The following ZNF586 variants were observed in gnomAD, a reference collection of about 807,000 sequenced individuals.
The protein encoded by ZNF586 is zinc finger protein 586.
Under a neutral mutation model 6.7 loss-of-function variants are expected in ZNF586, and 7 were observed. That is an observed-to-expected ratio of 1.04 (90% CI 0.59 to 1.95). The LOEUF is 1.95. Among genes scored for constraint, ZNF586 ranks in the 30% most tolerant of loss-of-function variants. The pLI is 0.00. For synonymous variants in ZNF586, 166 were observed against 168.7 expected, an observed-to-expected ratio of 0.98 and a Z score of 0.12; for missense variants, 442 against 489.6, an observed-to-expected ratio of 0.90 and a Z score of 0.92.
chr19:57,779,843 GC>G lies in ZNF586; in HGVS notation c.*49del. The stretch of plus-strand genomic sequence containing the variant: ...TGCCCAGGCTTTTTGCTCCTTCAAG[GC>G]CAGAGAGTTCACACCAGATCAAGGT... On this transcript the variant is annotated 3_prime_UTR_variant, in exon 3 of 3. Coordinates refer to ENST00000396154, the MANE Select transcript of ZNF586 (RefSeq NM_017652.4). The G allele has an allele frequency of 6.7e-7, 1 of 1,488,804 alleles. No individual in the cohort carries two copies. The highest frequency in any genetic ancestry group is 9.1e-7 in the Non-Finnish European group (1 of 1,099,342). 92.2% of individuals were successfully genotyped at this position (1,488,804 alleles called of 1,614,324 possible).
At chr19:57,773,048 G>C (rs1321083962) in intron 1 of ZNF586, among the ~76,000 whole-genome samples, 1 of 152,110 alleles carries the variant, frequency 6.6e-6, no homozygotes, top group East Asian at 1.9e-4. Context: ...TGCCAGAAAA[G>C]GAGATGACCA....
At chr19:57,770,025 C>A in intron 1 of ZNF586, 147 bp downstream of exon 1, 1 of 766,076 alleles carries the variant, frequency 1.3e-6, no homozygotes. Context: ...CTGTTTCCGA[C>A]ACCCAGTTGA....
At chr19:57,769,953 T>G (rs1219560494) in intron 1 of ZNF586, 75 bp downstream of exon 1, 3 of 1,056,498 alleles carry the variant, frequency 2.8e-6, no homozygotes, top group Non-Finnish European at 3.6e-6. Flanking sequence ...GAGGGCCGCC[T>G]CCTCGCGTCC....
chr19:57,774,216 CA>C lies in ZNF586; in HGVS notation c.37-2306del, dbSNP rs34864063. Reference sequence around the variant, plus strand: ...GGGTGACAAGAGTGAAACTCCGTCTCAAAAAAAAAAAAAAAAAAAAAGTCAG... The same window carrying C: ...GGGTGACAAGAGTGAAACTCCGTCTCAAAAAAAAAAAAAAAAAAAAGTCAG... On this transcript the variant is annotated intron_variant, in intron 1 of 2. Transcript: ENST00000396154. Among the ~76,000 whole-genome samples, 546 of 68,942 alleles carry C rather than the reference CA, an allele frequency of 7.9e-3. 6 individuals carry two copies. Among genetic ancestry groups the C allele is most frequent in the South Asian group, 0.037 (60 of 1,620 alleles). 45.2% of individuals were successfully genotyped at this position (68,942 alleles called of 152,430 possible).
intron 1 of ZNF586, chr19:57,774,797 T>C (rs1987187170): frequency 1.0e-5 from 10 of 981,084 alleles, no homozygotes; most frequent in Non-Finnish European, 1.2e-5. Flanking sequence ...CACATTATGG[T>C]GTAAGCCCTA....
chr19:57,779,997 A>G lies in ZNF586; in HGVS notation c.*201A>G, dbSNP rs950153983. 5 of 555,824 alleles carry G rather than the reference A, an allele frequency of 9.0e-6. No individual in the cohort carries two copies. Among genetic ancestry groups the G allele is most frequent in the African/African-American group, 1.9e-5 (1 of 53,380 alleles). 34.4% of individuals were successfully genotyped at this position (555,824 alleles called of 1,614,324 possible). The stretch of plus-strand genomic sequence containing the variant: ...GTGAGAAAGCCTTCAGCCCTCTCTC[A>G]TTGGTTACCACAATATTTACATGAG... On this transcript the variant is annotated 3_prime_UTR_variant, in exon 3 of 3. Coordinates refer to ENST00000396154, the MANE Select transcript of ZNF586 (RefSeq NM_017652.4).
intron 1 of ZNF586, among the ~76,000 whole-genome samples, chr19:57,771,710 G>A (rs1026906112): frequency 2.6e-5 from 4 of 152,184 alleles, no homozygotes; most frequent in African/African-American, 7.2e-5. Context: ...TGGGGTTGAG[G>A]GAGGAGGAAG....
rs749380601 is a variant in ZNF586 at position 57,778,903 on chromosome 19, C to G, written c.316C>G (p.Pro106Ala). Reference sequence around the variant, plus strand: ...TAAGAACAAGTCCTGCCTCACTGAACCCAGAAGAGATCACAAACACAGGAA... The same window carrying G: ...TAAGAACAAGTCCTGCCTCACTGAAGCCAGAAGAGATCACAAACACAGGAA... The part of the protein sequence containing the change: ...LFKNKSCLTE[P>A]RRDHKHRNVR... The change falls in exon 3 of 3, where the codon CCC becomes GCC. Residue 106 changes from proline to alanine, a missense_variant. Transcript: ENST00000396154. 1.2e-6 allele frequency: 2 copies of G among 1,614,098 alleles called. No individual in the cohort carries two copies. The highest frequency in any genetic ancestry group is 1.7e-6 in the Non-Finnish European group (2 of 1,180,020).
chr19:57,774,576 A>C, intron 1 of ZNF586, among the ~76,000 whole-genome samples: 1 of 151,894 alleles, frequency 6.6e-6, no homozygotes, highest in East Asian at 1.9e-4. Context: ...ATAAATAAAA[A>C]GTCATAGTTT....
intron 1 of ZNF586, among the ~76,000 whole-genome samples, chr19:57,773,650 G>A (rs1301743776): frequency 6.6e-6 from 1 of 152,108 alleles, no homozygotes; most frequent in Non-Finnish European, 1.5e-5. Flanking sequence ...AGACTAGTTT[G>A]GCAAGTGACA....
Position 57,778,876 on chromosome 19 carries a change from T to C in ZNF586, c.289T>C (p.Phe97Leu). The C allele has an allele frequency of 6.2e-7, 1 of 1,614,152 alleles. No homozygotes were observed. ...TGAGTGTGGGGAATATAGGAAATTATTTAAGAACAAGTCCTGCCTCACTGA... is the reference window on the plus strand; with the variant it reads ...TGAGTGTGGGGAATATAGGAAATTACTTAAGAACAAGTCCTGCCTCACTGA... ...PYECGEYRKL[F>L]KNKSCLTEPR... Residue 97 changes from phenylalanine to leucine, a missense_variant, in exon 3 of 3, where the codon TTT (phenylalanine) becomes CTT (leucine). By Grantham distance (22) the Phe-to-Leu change is conservative. Transcript: ENST00000396154.
Position 57,779,984 on chromosome 19 carries a change from T to C in ZNF586, c.*188T>C. On this transcript the variant is annotated 3_prime_UTR_variant, in exon 3 of 3. Coordinates refer to ENST00000396154, the MANE Select transcript of ZNF586 (RefSeq NM_017652.4). ...GAGTGCAATGAATGTGAGAAAGCCT[T>C]CAGCCCTCTCTCATTGGTTACCACA... 1.7e-6 allele frequency: 1 copy of C among 571,988 alleles called. No individual in the cohort carries two copies. Among genetic ancestry groups the C allele is most frequent in the African/African-American group, 1.9e-5 (1 of 53,782 alleles). The allele number at this position is 571,988 out of a possible 1,614,324, so 35.4% of individuals were successfully genotyped here. A position where few individuals can be genotyped will look rare whatever the true frequency, so the allele number is the denominator to read the frequency against.
At chr19:57,775,380 A>G (rs1313646804) in intron 1 of ZNF586, among the ~76,000 whole-genome samples, 1 of 152,122 alleles carries the variant, frequency 6.6e-6, no homozygotes, top group Non-Finnish European at 1.5e-5. Flanking sequence ...CTGTGGTCCC[A>G]GCTACTCAGG....
Position 57,769,741 on chromosome 19 carries a change from C to A in ZNF586, c.-102C>A. Reference sequence around the variant, plus strand: ...TCGGGAGGAGTGGTTGTGGCCATTGCACACAGGCGGATCTGAGGTTCGGCG... The same window carrying A: ...TCGGGAGGAGTGGTTGTGGCCATTGAACACAGGCGGATCTGAGGTTCGGCG... On this transcript the variant is annotated 5_prime_UTR_variant, in exon 1 of 3. The change creates a premature stop within an existing upstream ORF in the 5' untranslated region. Coordinates refer to ENST00000396154, the MANE Select transcript of ZNF586 (RefSeq NM_017652.4). The A allele has an allele frequency of 7.8e-7, 1 of 1,281,872 alleles. No individual in the cohort carries two copies. Among genetic ancestry groups the A allele is most frequent in the Non-Finnish European group, 1.1e-6 (1 of 911,186 alleles). The allele number at this position is 1,281,872 out of a possible 1,614,324, so 79.4% of individuals were successfully genotyped here. A position where few individuals can be genotyped will look rare whatever the true frequency, so the allele number is the denominator to read the frequency against.
chr19:57,774,615 G>A (rs1174825062), intron 1 of ZNF586, among the ~76,000 whole-genome samples: 1 of 151,828 alleles, frequency 6.6e-6, no homozygotes, highest in African/African-American at 2.4e-5. Context: ...GCACAGAAGT[G>A]GAATAGAACC....
rs754056389 is a variant in ZNF586 at position 57,776,527 on chromosome 19, A to G, written c.37-16A>G. The G allele has an allele frequency of 6.8e-6, 11 of 1,607,932 alleles. No homozygotes were observed. The highest frequency in any genetic ancestry group is 6.6e-5 in the South Asian group (6 of 90,552). On this transcript the variant is annotated splice_polypyrimidine_tract_variant and intron_variant, in intron 1 of 2. Transcript: ENST00000396154. Reference sequence around the variant, plus strand: ...ATAGGGGCCATTTGTGGTTTCATCTATCCCCATCATAACAGAGCAGTGTGA... The same window carrying G: ...ATAGGGGCCATTTGTGGTTTCATCTGTCCCCATCATAACAGAGCAGTGTGA...
chr19:57,773,253 C>G (rs904922817), intron 1 of ZNF586, among the ~76,000 whole-genome samples: 1 of 152,004 alleles, frequency 6.6e-6, no homozygotes, highest in Non-Finnish European at 1.5e-5. Context: ...TTGGAAGGCA[C>G]AACCTTCAGA....
chr19:57,771,394 C>T (rs1294327523), intron 1 of ZNF586, among the ~76,000 whole-genome samples: 1 of 151,912 alleles, frequency 6.6e-6, no homozygotes, highest in Non-Finnish European at 1.5e-5. Context: ...CCTCTTGCTT[C>T]GGCTTCCCAA....
chr19:57,776,458 G>A, intron 1 of ZNF586, 85 bp from the exon 2 acceptor site: 1 of 1,495,402 alleles, frequency 6.7e-7, no homozygotes, highest in South Asian at 1.4e-5. Context: ...GAGGAGGATG[G>A]GCAAGGGTAG....
Sources: allele counts gnomAD v4.1 joint callset (sites outside exome capture counted in the v4.1 genomes callset), GRCh38; gene constraint gnomAD v4.1.1; transcripts MANE v1.5; gene names NCBI Gene and HGNC (gene_info 2026-07-23, HGNC 2026-07-21).